Variants in DACH2 observed in about 807,000 individuals in gnomAD.
DACH2 encodes dachshund family transcription factor 2, also known as dachshund homolog 2.
DACH2 carries 17 observed loss-of-function variants against 35.8 expected under a neutral mutation model. The observed-to-expected ratio is 0.48, with a 90% CI of 0.33 to 0.71. The LOEUF (loss-of-function observed/expected upper bound fraction) is 0.71. DACH2 is among the 30% of genes least tolerant of loss of function. DACH2 has a pLI of 0.02. For missense variants in DACH2, 469 were observed against 472.7 expected, an observed-to-expected ratio of 0.99 and a Z score of 0.07; for synonymous variants, 195 against 177.3, an observed-to-expected ratio of 1.10 and a Z score of -0.79.
chrX:86,412,176 T>A (rs2036625328), intron 2 of DACH2, among the ~76,000 whole-genome samples: 2 of 111,153 alleles, frequency 1.8e-5, no homozygotes, highest in East Asian at 2.8e-4. Flanking sequence ...TCCAGTTCAA[T>A]GGGATTGTTG....
intron 2 of DACH2, among the ~76,000 whole-genome samples, chrX:86,464,345 A>AT (rs1252902577): frequency 1.8e-5 from 2 of 110,218 alleles, no homozygotes; most frequent in Non-Finnish European, 3.8e-5. Flanking sequence ...CAGCCATAAA[A>AT]AGAATGAGTT....
intron 1 of DACH2, among the ~76,000 whole-genome samples, chrX:86,152,887 G>A (rs2147856112): frequency 9.0e-6 from 1 of 111,592 alleles, no homozygotes; most frequent in East Asian, 2.8e-4. Flanking sequence ...GAGAGAACAG[G>A]CAGGTTTAGA....
chrX:86,607,595 A>ATTT (rs2148364624), intron 3 of DACH2, among the ~76,000 whole-genome samples: 1 of 108,799 alleles, frequency 9.2e-6, no homozygotes, highest in African/African-American at 3.3e-5. Context: ...ATTGTTTTTT[A>ATTT]TTATTATTAT....
intron 3 of DACH2, among the ~76,000 whole-genome samples, chrX:86,515,363 G>T (rs2038452451): frequency 9.0e-6 from 1 of 110,523 alleles, no homozygotes; most frequent in African/African-American, 3.3e-5. Flanking sequence ...CTTTGGAGCT[G>T]TATTTTGTAG....
At chrX:86,505,239 A>T (rs182366781) in intron 2 of DACH2, among the ~76,000 whole-genome samples, 33 of 112,120 alleles carry the variant, frequency 2.9e-4, no homozygotes, top group Middle Eastern at 9.3e-3. Flanking sequence ...CAAACATAGC[A>T]ACAATACTGT....
Position 86,283,443 on chromosome X carries a change from G to T in DACH2, c.489-93381G>T, listed in dbSNP as rs575681998. 6.3e-5 allele frequency among the ~76,000 whole-genome samples: 7 copies of T among 111,321 alleles called. No homozygotes were observed. In the East Asian group the frequency reaches 1.1e-3, roughly 18 times the overall value. On this transcript the variant is annotated intron_variant, in intron 1 of 11. Coordinates refer to ENST00000373125, the MANE Select transcript of DACH2 (RefSeq NM_053281.3). ...CAAATGCACATGTATGTTTATTGCA[G>T]CACTGTTCACAATAGCAAAGACTCA...
At chrX:86,355,939 T>A (rs2035634606) in intron 1 of DACH2, among the ~76,000 whole-genome samples, 1 of 109,882 alleles carries the variant, frequency 9.1e-6, no homozygotes, top group South Asian at 3.9e-4. Context: ...ATTAGACCTT[T>A]GTTAGATGCA....
intron 11 of DACH2, 119 bp from the exon 12 acceptor site, chrX:86,831,987 C>A: frequency 4.5e-6 from 2 of 446,311 alleles, no homozygotes; most frequent in South Asian, 4.6e-5. Flanking sequence ...TTTACCAACA[C>A]TAAATTGAGC....
intron 1 of DACH2, among the ~76,000 whole-genome samples, chrX:86,249,182 A>C (rs181207109): frequency 4.5e-5 from 5 of 111,598 alleles, no homozygotes; most frequent in African/African-American, 1.6e-4. Context: ...AAGCAATTTC[A>C]ACAAACAAAA....
chrX:86,398,423 T>G (rs2036346950), intron 2 of DACH2, among the ~76,000 whole-genome samples: 1 of 112,296 alleles, frequency 8.9e-6, no homozygotes, highest in Non-Finnish European at 1.9e-5. Flanking sequence ...ATTTCTTGCC[T>G]TCTGCTAGCT....
intron 2 of DACH2, among the ~76,000 whole-genome samples, chrX:86,466,831 G>A (rs1227250647): frequency 1.8e-5 from 2 of 111,063 alleles, no homozygotes; most frequent in Admixed American, 9.6e-5. Flanking sequence ...CTGAAGCCAC[G>A]TCCCCAGCTC....
At chrX:86,341,625 G>A (rs1027658571) in intron 1 of DACH2, among the ~76,000 whole-genome samples, 7 of 111,896 alleles carry the variant, frequency 6.3e-5, no homozygotes, top group Admixed American at 2.9e-4. Flanking sequence ...AGGCTACAGC[G>A]GCCATAGATA....
At chrX:86,758,272 G>A (rs1348259243) in intron 7 of DACH2, among the ~76,000 whole-genome samples, 1 of 111,138 alleles carries the variant, frequency 9.0e-6, no homozygotes, top group Non-Finnish European at 1.9e-5. Flanking sequence ...GTAATTTGGG[G>A]TTTGGTTTGT....
chrX:86,287,220 C>T (rs914713149), intron 1 of DACH2, among the ~76,000 whole-genome samples: 4 of 111,660 alleles, frequency 3.6e-5, no homozygotes, highest in Admixed American at 1.9e-4. Context: ...TCTTTACTGG[C>T]CTGTGAGGTT....
At position 86,148,577 on chromosome X, in the gene DACH2, G is replaced by A. The variant is rs2030237080; in HGVS notation, c.-44G>A. Reference sequence around the variant, plus strand: ...CGAGGGGATCTAGAGGAGTCAGGGCGAGAAAGCGAGGGCCGGAGGACCCAC... The same window carrying A: ...CGAGGGGATCTAGAGGAGTCAGGGCAAGAAAGCGAGGGCCGGAGGACCCAC... On this transcript the variant is annotated 5_prime_UTR_variant, in exon 1 of 12. Coordinates refer to ENST00000373125, the MANE Select transcript of DACH2 (RefSeq NM_053281.3). 8.9e-7 allele frequency: 1 copy of A among 1,123,971 alleles called. No homozygotes were observed. The highest frequency in any genetic ancestry group is 1.2e-6 in the Non-Finnish European group (1 of 852,540). The allele number at this position is 1,123,971 out of a possible 1,213,427, so 92.6% of individuals were successfully genotyped here.
At chrX:86,814,656 C>G in intron 9 of DACH2, 32 bp from the exon 10 acceptor site, 1 of 1,201,138 alleles carries the variant, frequency 8.3e-7, no homozygotes, top group East Asian at 3.0e-5. Flanking sequence ...TTTCATTGCT[C>G]AAGTCTTTGC....
intron 3 of DACH2, among the ~76,000 whole-genome samples, chrX:86,549,264 C>G (rs931227322): frequency 9.0e-6 from 1 of 111,355 alleles, no homozygotes; most frequent in African/African-American, 3.3e-5. Flanking sequence ...GAACTCTTTT[C>G]TCTTGGAACA....
At chrX:86,573,273 C>T (rs1055294818) in intron 3 of DACH2, among the ~76,000 whole-genome samples, 1 of 110,975 alleles carries the variant, frequency 9.0e-6, no homozygotes, top group Non-Finnish European at 1.9e-5. Flanking sequence ...AATATCACCA[C>T]TGGTAGTTTT....
chrX:86,611,957 CTG>C (rs140254063), intron 3 of DACH2, among the ~76,000 whole-genome samples: 13,415 of 100,179 alleles, frequency 0.13, 935 homozygotes, highest in South Asian at 0.31. Flanking sequence ...GTTGTTGTTC[CTG>C]TGTGTGTGTG....
Sources: gnomAD v4.1 joint callset for allele counts (sites outside exome capture counted in the v4.1 genomes callset) on GRCh38, gnomAD v4.1.1 for gene constraint, MANE v1.5 for transcripts, NCBI Gene and HGNC (gene_info 2026-07-23, HGNC 2026-07-21) for gene names.